Variants in TMEM120B observed in about 807,000 individuals in gnomAD.
TMEM120B encodes transmembrane protein 120B.
A neutral mutation model predicts 55.5 loss-of-function variants in TMEM120B; 31 were observed. The ratio of observed to expected loss-of-function variants is 0.56; its 90% CI spans 0.42 to 0.75. The LOEUF (loss-of-function observed/expected upper bound fraction) is 0.75. Among genes scored for constraint, TMEM120B ranks in the 30% least tolerant of loss-of-function variants. TMEM120B has a pLI of 0.00. For missense variants in TMEM120B, 399 were observed against 425.5 expected (o/e 0.94, Z 0.55); for synonymous variants, 203 against 176.3 (o/e 1.15, Z -1.20).
At chr12:121,757,456 C>T (rs1873514237) in intron 5 of TMEM120B, among the ~76,000 whole-genome samples, 1 of 152,022 alleles carries the variant, frequency 6.6e-6, no homozygotes, top group Admixed American at 6.6e-5. Context: ...ATTCTCCTGC[C>T]TCAGCCTCCC....
At chr12:121,757,524 A>T (rs2720039) in intron 5 of TMEM120B, among the ~76,000 whole-genome samples, 138,072 of 142,256 alleles carry the variant, frequency 0.97, 66,958 homozygotes, top group Non-Finnish European at 0.99. Flanking sequence ...ATTATTATTT[A>T]TTTTTTTTTT....
Position 121,781,543 on chromosome 12 carries a change from C to T in TMEM120B, c.*5821C>T, listed in dbSNP as rs181258739. ...TAAAGAATCCTCAAGATCAAACCCACGCAGTGCTGAGAGCTTGGCCTGATT... is the reference window on the plus strand; with the variant it reads ...TAAAGAATCCTCAAGATCAAACCCATGCAGTGCTGAGAGCTTGGCCTGATT... On this transcript the variant is annotated 3_prime_UTR_variant, in exon 12 of 12. Transcript: ENST00000449592. The T allele has an allele frequency of 6.2e-5, 17 of 272,636 alleles. 1 individual carries two copies. The highest frequency in any genetic ancestry group is 1.5e-4 in the Admixed American group (3 of 20,262). The allele number at this position is 272,636 out of a possible 1,614,324, so 16.9% of individuals were successfully genotyped here. A position where few individuals can be genotyped will look rare whatever the true frequency, so the allele number is the denominator to read the frequency against.
At chr12:121,733,694 T>C (rs1183893353) in intron 1 of TMEM120B, among the ~76,000 whole-genome samples, 1 of 151,868 alleles carries the variant, frequency 6.6e-6, no homozygotes, top group East Asian at 1.9e-4. Flanking sequence ...TGCACCATCA[T>C]GCCTGGCTAA....
In TMEM120B at chr12:121,755,301, G is replaced by A. The variant is rs1242740265; in HGVS notation, c.461+3078G>A. On this transcript the variant is annotated intron_variant, in intron 5 of 11. Coordinates refer to ENST00000449592, the MANE Select transcript of TMEM120B (RefSeq NM_001080825.2). ...CCACTCACGGGCTTTGTGACCTGAA[G>A]TGGATCCCTGGGCCTCTCTGTCTGT... Among the ~76,000 whole-genome samples the A allele has an allele frequency of 2.6e-5, 4 of 152,166 alleles. No individual in the cohort carries two copies. In the East Asian group the frequency reaches 5.8e-4, roughly 22 times the overall value.
At chr12:121,747,063 A>T (rs2137155817) in intron 2 of TMEM120B, among the ~76,000 whole-genome samples, 1 of 152,344 alleles carries the variant, frequency 6.6e-6, no homozygotes. Flanking sequence ...TCTATGCTGT[A>T]CTTACTCATT....
At position 121,770,889 on chromosome 12, in the gene TMEM120B, T is replaced by C. The variant is rs1487094312; in HGVS notation, c.552-18T>C. On this transcript the variant is annotated intron_variant, in intron 6 of 11. Coordinates refer to ENST00000449592, the MANE Select transcript of TMEM120B (RefSeq NM_001080825.2). ...GCTCTCCCCTCCTGAGCACTTTCCG[T>C]TCTCTCCCTCTCCCGAGAATTAAAG... 3.1e-6 allele frequency: 5 copies of C among 1,613,808 alleles called. No individual in the cohort carries two copies. The highest frequency in any genetic ancestry group is 4.2e-6 in the Non-Finnish European group (5 of 1,179,838).
At chr12:121,737,006 A>T (rs560259338) in intron 1 of TMEM120B, among the ~76,000 whole-genome samples, 9 of 152,268 alleles carry the variant, frequency 5.9e-5, no homozygotes, top group African/African-American at 2.2e-4. Context: ...CTCCAAGAGC[A>T]ACTAGTTCCA....
At chr12:121,713,180 C>A (rs2136932255) in intron 1 of TMEM120B, among the ~76,000 whole-genome samples, 1 of 152,296 alleles carries the variant, frequency 6.6e-6, no homozygotes, top group Middle Eastern at 3.4e-3. Flanking sequence ...GCCCCCTCTT[C>A]CGCCGCCCTC....
Position 121,779,120 on chromosome 12 carries a change from TG to T in TMEM120B, c.*3402del. On this transcript the variant is annotated 3_prime_UTR_variant, in exon 12 of 12. Coordinates refer to ENST00000449592, the MANE Select transcript of TMEM120B (RefSeq NM_001080825.2). The stretch of plus-strand genomic sequence containing the variant: ...GGCAGGGACACAGGAGTGGCAGGCT[TG>T]GGGCGCCCGCGTGGAACAGTGCCAG... The T allele has an allele frequency of 4.9e-6, 1 of 203,580 alleles. No homozygotes were observed. Among genetic ancestry groups the T allele is most frequent in the Non-Finnish European group, 1.0e-5 (1 of 97,406 alleles). 12.6% of individuals were successfully genotyped at this position (203,580 alleles called of 1,614,324 possible).
chr12:121,779,779 CCTGT>C lies in TMEM120B; in HGVS notation c.*4064_*4067del. On this transcript the variant is annotated 3_prime_UTR_variant, in exon 12 of 12. Coordinates refer to ENST00000449592, the MANE Select transcript of TMEM120B (RefSeq NM_001080825.2). ...GCAGGGATGGAGGCCTTGGTTTGGG[CCTGT>C]CTGTCTCCTCCATCCTGGCTGCCCC... The C allele has an allele frequency of 4.6e-6, 5 of 1,087,210 alleles. No individual in the cohort carries two copies. Among genetic ancestry groups the C allele is most frequent in the South Asian group, 4.4e-5 (3 of 68,684 alleles). The allele number at this position is 1,087,210 out of a possible 1,614,324, so 67.3% of individuals were successfully genotyped here. A position where few individuals can be genotyped will look rare whatever the true frequency, so the allele number is the denominator to read the frequency against.
chr12:121,771,479 T>C lies in TMEM120B; in HGVS notation c.618-9T>C. The C allele has an allele frequency of 6.2e-7, 1 of 1,613,720 alleles. No homozygotes were observed. The highest frequency in any genetic ancestry group is 8.5e-7 in the Non-Finnish European group (1 of 1,179,676). ...GCCCCACCTTTGTTTTTTCCTACCT[T>C]CTCTCCAGGCCTAATGGACCCATTT... On this transcript the variant is annotated splice_polypyrimidine_tract_variant and intron_variant, in intron 7 of 11. Coordinates refer to ENST00000449592, the MANE Select transcript of TMEM120B (RefSeq NM_001080825.2).
chr12:121,724,160 C>G (rs1894846937), intron 1 of TMEM120B, among the ~76,000 whole-genome samples: 1 of 150,958 alleles, frequency 6.6e-6, no homozygotes, highest in African/African-American at 2.4e-5. Context: ...GCCTCAGCCT[C>G]CATAGTAGCT....
At chr12:121,755,866 G>A (rs1261349476) in intron 5 of TMEM120B, among the ~76,000 whole-genome samples, 1 of 152,134 alleles carries the variant, frequency 6.6e-6, no homozygotes, top group Non-Finnish European at 1.5e-5. Context: ...TGACCCCAGA[G>A]GGTGTTAATT....
At chr12:121,730,417 C>T (rs889252301) in intron 1 of TMEM120B, among the ~76,000 whole-genome samples, 5 of 147,332 alleles carry the variant, frequency 3.4e-5, no homozygotes, top group South Asian at 2.2e-4. Flanking sequence ...GAGGCAGAGG[C>T]GGGCAGATCA....
At chr12:121,771,780 C>T (rs1023669217) in intron 8 of TMEM120B, among the ~76,000 whole-genome samples, 3 of 152,102 alleles carry the variant, frequency 2.0e-5, no homozygotes, top group African/African-American at 7.2e-5. Flanking sequence ...ACCCTGCCAA[C>T]TGTGACCTTT....
At chr12:121,717,560 A>G (rs1431592233) in intron 1 of TMEM120B, among the ~76,000 whole-genome samples, 1 of 152,204 alleles carries the variant, frequency 6.6e-6, no homozygotes, top group Non-Finnish European at 1.5e-5. Flanking sequence ...GCTGTTGAAC[A>G]CCAGTGTCTG....
Position 121,779,806 on chromosome 12 carries a change from C to A in TMEM120B, c.*4084C>A. 2.4e-6 allele frequency: 2 copies of A among 842,724 alleles called. No individual in the cohort carries two copies. The highest frequency in any genetic ancestry group is 1.8e-6 in the Non-Finnish European group (1 of 547,614). The allele number at this position is 842,724 out of a possible 1,614,324, so 52.2% of individuals were successfully genotyped here. A position where few individuals can be genotyped will look rare whatever the true frequency, so the allele number is the denominator to read the frequency against. On this transcript the variant is annotated 3_prime_UTR_variant, in exon 12 of 12. Coordinates refer to ENST00000449592, the MANE Select transcript of TMEM120B (RefSeq NM_001080825.2). ...TGTCTGTCTCCTCCATCCTGGCTGC[C>A]CCTCACAGTGTGTGGGTGGAATGGA...
In TMEM120B at chr12:121,775,189, T is replaced by A; in HGVS notation, c.906+59T>A. 9.9e-7 allele frequency: 1 copy of A among 1,005,650 alleles called. No homozygotes were observed. Among genetic ancestry groups the A allele is most frequent in the Admixed American group, 2.8e-5 (1 of 35,458 alleles). The allele number at this position is 1,005,650 out of a possible 1,614,324, so 62.3% of individuals were successfully genotyped here. A position where few individuals can be genotyped will look rare whatever the true frequency, so the allele number is the denominator to read the frequency against. ...CCCGGGAGGGCTGGGGTGGCAGGGA[T>A]GGGGTGTATGTGTGGCATGCTGGGG... On this transcript the variant is annotated intron_variant, in intron 11 of 11. Coordinates refer to ENST00000449592, the MANE Select transcript of TMEM120B (RefSeq NM_001080825.2). This position sits in a 1 kb window ranked among gnomAD's most constrained non-coding sequence, Gnocchi z 4.3.
Position 121,770,903 on chromosome 12 carries a change from C to G in TMEM120B, c.552-4C>G, listed in dbSNP as rs184767447. The G allele has an allele frequency of 3.7e-6, 6 of 1,614,052 alleles. No homozygotes were observed. The highest frequency in any genetic ancestry group is 2.2e-5 in the South Asian group (2 of 91,032). On this transcript the variant is annotated splice_region_variant and splice_polypyrimidine_tract_variant and intron_variant, in intron 6 of 11. Transcript: ENST00000449592. ...AGCACTTTCCGTTCTCTCCCTCTCC[C>G]GAGAATTAAAGGCTGGTGGGTGTCT...
Sources: allele counts gnomAD v4.1 joint callset (sites outside exome capture counted in the v4.1 genomes callset), GRCh38; gene constraint gnomAD v4.1.1; non-coding constraint Gnocchi (gnomAD v3.1); transcripts MANE v1.5; gene names NCBI Gene and HGNC (gene_info 2026-07-23, HGNC 2026-07-21).